The following GRIN2B variants were observed in gnomAD, a reference collection of about 807,000 sequenced individuals.
The protein encoded by GRIN2B is glutamate receptor ionotropic, NMDA 2B.
GRIN2B carries 5 observed loss-of-function variants against 114.5 expected under a neutral mutation model. The ratio of observed to expected loss-of-function variants is 0.04; its 90% CI spans 0.02 to 0.09. GRIN2B has a LOEUF of 0.09. Ranked by LOEUF, GRIN2B falls within the 10% of genes least tolerant of loss-of-function variation. The pLI is 1.00. For missense variants in GRIN2B, 1,108 were observed against 1,943.5 expected (o/e 0.57, Z 8.08); for synonymous variants, 787 against 745.1 (o/e 1.06, Z -0.92).
chr12:13,749,947 G>C (rs1218565281), intron 4 of GRIN2B, among the ~76,000 whole-genome samples: 1 of 152,168 alleles, frequency 6.6e-6, no homozygotes, highest in African/African-American at 2.4e-5. Flanking sequence ...ATGGAGATAA[G>C]GGAAGAATGG....
At chr12:13,840,721 T>C (rs1024043113) in intron 3 of GRIN2B, among the ~76,000 whole-genome samples, 1 of 152,214 alleles carries the variant, frequency 6.6e-6, no homozygotes, top group African/African-American at 2.4e-5. Context: ...TCACTGGATG[T>C]TTCTTTATTG....
At chr12:13,980,531 A>G (rs1325496075) in intron 1 of GRIN2B, among the ~76,000 whole-genome samples, 175 bp from the exon 2 acceptor site, 1 of 152,158 alleles carries the variant, frequency 6.6e-6, no homozygotes, top group African/African-American at 2.4e-5. Flanking sequence ...TCTATAAATA[A>G]TTCAGAAAAG....
intron 4 of GRIN2B, among the ~76,000 whole-genome samples, chr12:13,744,321 T>A (rs1359940213): frequency 6.6e-6 from 1 of 152,196 alleles, no homozygotes; most frequent in Non-Finnish European, 1.5e-5. Flanking sequence ...CATATAAAAG[T>A]GTTTTATCCA....
chr12:13,859,222 G>A (rs1483825498), intron 3 of GRIN2B, among the ~76,000 whole-genome samples: 2 of 152,216 alleles, frequency 1.3e-5, no homozygotes, highest in Non-Finnish European at 2.9e-5. Flanking sequence ...TCCAAAGTCT[G>A]CATTCTCTCC....
At chr12:13,975,725 G>A (rs1317021407) in intron 2 of GRIN2B, among the ~76,000 whole-genome samples, 1 of 152,182 alleles carries the variant, frequency 6.6e-6, no homozygotes, top group African/African-American at 2.4e-5. Context: ...ATTCTAAGAT[G>A]AATAAAACAT....
At chr12:13,751,624 G>T (rs1456073057) in intron 4 of GRIN2B, among the ~76,000 whole-genome samples, 2 of 152,144 alleles carry the variant, frequency 1.3e-5, no homozygotes, top group South Asian at 4.1e-4. Flanking sequence ...TGCAGATTTG[G>T]CTAGGAGAGG....
chr12:13,582,990 A>G (rs1948872518), intron 10 of GRIN2B, among the ~76,000 whole-genome samples: 1 of 152,196 alleles, frequency 6.6e-6, no homozygotes, highest in South Asian at 2.1e-4. Flanking sequence ...CATGTTAGCT[A>G]GCTGAGGCTT....
intron 3 of GRIN2B, among the ~76,000 whole-genome samples, chr12:13,803,449 T>C (rs1441331729): frequency 6.6e-6 from 1 of 152,160 alleles, no homozygotes. Context: ...ATGAAATGAC[T>C]CAGCTAGTCC....
At chr12:13,800,506 T>A (rs993264035) in intron 3 of GRIN2B, among the ~76,000 whole-genome samples, 12 of 152,228 alleles carry the variant, frequency 7.9e-5, no homozygotes, top group Non-Finnish European at 1.6e-4. Flanking sequence ...ATTTTCTGCA[T>A]GCACAAATTT....
chr12:13,914,383 CCA>C (rs1866675834), intron 2 of GRIN2B, among the ~76,000 whole-genome samples: 1 of 152,104 alleles, frequency 6.6e-6, no homozygotes, highest in Admixed American at 6.6e-5. Context: ...TCGTCTCACC[CCA>C]GTTAAAATGG....
At chr12:13,566,337 TAACA>T (rs1294522312) in intron 13 of GRIN2B, among the ~76,000 whole-genome samples, 5 of 152,196 alleles carry the variant, frequency 3.3e-5, no homozygotes, top group Non-Finnish European at 5.9e-5. Flanking sequence ...TCCACTTTAT[TAACA>T]AAACCAAAAG....
intron 3 of GRIN2B, among the ~76,000 whole-genome samples, chr12:13,840,477 T>C (rs930253148): frequency 6.6e-6 from 1 of 152,088 alleles, no homozygotes; most frequent in South Asian, 2.1e-4. Flanking sequence ...CTGGACAACT[T>C]TGACAACAAC....
At chr12:13,675,698 A>G (rs1303410259) in intron 5 of GRIN2B, 47 bp downstream of exon 5, 1 of 1,187,484 alleles carries the variant, frequency 8.4e-7, no homozygotes, top group Non-Finnish European at 1.3e-6. Flanking sequence ...GCAAAATTTC[A>G]CATTTCTACT....
chr12:13,799,700 A>AG (rs1007314760), intron 3 of GRIN2B, among the ~76,000 whole-genome samples: 13 of 151,220 alleles, frequency 8.6e-5, no homozygotes, highest in Admixed American at 4.6e-4. Flanking sequence ...AGCAGGAGAG[A>AG]GGGGGGGAAA....
chr12:13,956,703 G>A (rs1348516469), intron 2 of GRIN2B, among the ~76,000 whole-genome samples: 1 of 152,168 alleles, frequency 6.6e-6, no homozygotes, highest in Non-Finnish European at 1.5e-5. Flanking sequence ...GTGAGCCACA[G>A]AACAAAACTT....
At chr12:13,610,848 A>T (rs1158114634) in intron 9 of GRIN2B, among the ~76,000 whole-genome samples, 1 of 152,202 alleles carries the variant, frequency 6.6e-6, no homozygotes, top group Non-Finnish European at 1.5e-5. Flanking sequence ...AATGAGGTCC[A>T]AGCACCTGTG....
In GRIN2B at chr12:13,611,742, C is replaced by T. The variant is rs1949367761; in HGVS notation, c.1763G>A (p.Cys588Tyr). The change falls in exon 9 of 14, where the codon TGC becomes TAC. Residue 588 changes from cysteine to tyrosine, a missense_variant. Physicochemically the swap from Cys to Tyr is radical, Grantham distance 194. Around this residue, in one of 19 missense-constraint regions of GRIN2B, gnomAD observed 24 missense variants for 38.1 expected, o/e 0.63. Transcript: ENST00000609686. Reference sequence around the variant, plus strand: ...GGCCTTACCTCTGCCATCAGCGAGGCACCTGTTATAACCCACAGGGCTGAA... The same window carrying T: ...GGCCTTACCTCTGCCATCAGCGAGGTACCTGTTATAACCCACAGGGCTGAA... Reference protein sequence around the residue: ...EYFSPVGYNRCLADGREPGGP... With the variant: ...EYFSPVGYNRYLADGREPGGP... 6.2e-7 allele frequency: 1 copy of T among 1,613,808 alleles called. No homozygotes were observed. The highest frequency in any genetic ancestry group is 8.5e-7 in the Non-Finnish European group (1 of 1,179,716).
chr12:13,747,489 T>A (rs1206458821), intron 4 of GRIN2B, among the ~76,000 whole-genome samples: 2 of 152,226 alleles, frequency 1.3e-5, no homozygotes, highest in Non-Finnish European at 2.9e-5. Flanking sequence ...TCCCAACTTA[T>A]ATATCCTTTT....
rs752793000 is a variant in GRIN2B at position 13,555,691 on chromosome 12, A to G, written c.*7092T>C. 2 of 152,196 alleles carry G rather than the reference A, an allele frequency of 1.3e-5. No homozygotes were observed. The highest frequency in any genetic ancestry group is 2.9e-5 in the Non-Finnish European group (2 of 68,032). The allele number at this position is 152,196 out of a possible 1,614,324, so 9.4% of individuals were successfully genotyped here. A position where few individuals can be genotyped will look rare whatever the true frequency, so the allele number is the denominator to read the frequency against. On this transcript the variant is annotated 3_prime_UTR_variant, in exon 14 of 14. Transcript: ENST00000609686. ...GGCAGAGAGGACAGCATATGTGAGG[A>G]TTCAATAATCAGATTTTCTTGCAAA...
Sources: gnomAD v4.1 joint callset for allele counts (sites outside exome capture counted in the v4.1 genomes callset) on GRCh38, gnomAD v4.1.1 for gene constraint, gnomAD v4.1.1 regional missense constraint, MANE v1.5 for transcripts, NCBI Gene and HGNC (gene_info 2026-07-23, HGNC 2026-07-21) for gene names.